Variants in COL6A3 observed in about 807,000 individuals in gnomAD.
The protein encoded by COL6A3 is collagen type VI alpha 3 chain.
In COL6A3, 137 loss-of-function variants were observed where a neutral mutation model predicts 274.1. That is an observed-to-expected ratio of 0.50 (90% confidence interval 0.44 to 0.58). The LOEUF is 0.58. Among genes scored for constraint, COL6A3 ranks in the 20% least tolerant of loss-of-function variants. The pLI is 0.00. For synonymous variants in COL6A3, 1,650 were observed against 1,650.6 expected, an observed-to-expected ratio of 1.00 and a Z score of 0.01; for missense variants, 3,950 against 4,124.9, an observed-to-expected ratio of 0.96 and a Z score of 1.16.
At chr2:237,352,885 C>T (rs1248056603) in intron 25 of COL6A3, among the ~76,000 whole-genome samples, 1 of 152,236 alleles carries the variant, frequency 6.6e-6, no homozygotes, top group Non-Finnish European at 1.5e-5. Context: ...AAATCTCCAT[C>T]AACCAATGAG....
At chr2:237,390,430 T>A (rs2106382004) in intron 3 of COL6A3, among the ~76,000 whole-genome samples, 1 of 152,338 alleles carries the variant, frequency 6.6e-6, no homozygotes, top group East Asian at 1.9e-4. Context: ...TCAAGAGAGC[T>A]GAAGCCTCAA....
intron 4 of COL6A3, among the ~76,000 whole-genome samples, chr2:237,381,826 C>T (rs534129217): frequency 6.6e-6 from 1 of 152,322 alleles, no homozygotes; most frequent in South Asian, 2.1e-4. Flanking sequence ...GCCGTAAATA[C>T]ACAACTTGGC....
chr2:237,367,656 C>T (rs865912456), intron 10 of COL6A3, among the ~76,000 whole-genome samples: 1 of 152,204 alleles, frequency 6.6e-6, no homozygotes, highest in African/African-American at 2.4e-5. Flanking sequence ...TAGGAAATGC[C>T]ACTAGAAGTT....
chr2:237,348,808 C>CT (rs1349616750), intron 28 of COL6A3, 145 bp from the exon 29 acceptor site: 2 of 737,652 alleles, frequency 2.7e-6, no homozygotes, highest in East Asian at 2.7e-5. Flanking sequence ...GGCACACTTC[C>CT]TGCTCCTGTC....
In COL6A3 at chr2:237,354,809, G is replaced by A; in HGVS notation, c.6627+90C>T. 3 of 1,124,968 alleles carry A rather than the reference G, an allele frequency of 2.7e-6. No homozygotes were observed. The South Asian group carries it at 4.8e-5, about 18-fold the overall frequency. 69.7% of individuals were successfully genotyped at this position (1,124,968 alleles called of 1,614,324 possible). ...TTGGTATCTGTCTCCGAAGCTTTGG[G>A]TTCACAGGAGAGAGTGTTTTTCACT... On this transcript the variant is annotated intron_variant, in intron 24 of 43. Transcript: ENST00000295550.
At chr2:237,410,154 C>G (rs1483929765) in intron 1 of COL6A3, among the ~76,000 whole-genome samples, 5 of 152,136 alleles carry the variant, frequency 3.3e-5, no homozygotes, top group Non-Finnish European at 7.4e-5. Flanking sequence ...ACTACAAACC[C>G]TGAAACTCCA....
intron 42 of COL6A3, among the ~76,000 whole-genome samples, chr2:237,332,462 A>C (rs1329795431): frequency 6.6e-6 from 1 of 152,092 alleles, no homozygotes; most frequent in Non-Finnish European, 1.5e-5. Flanking sequence ...GGGAAAATCT[A>C]CTGTGTTCTT....
chr2:237,388,276 A>G (rs2078204894), intron 3 of COL6A3, 92 bp from the exon 4 acceptor site: 2 of 1,513,212 alleles, frequency 1.3e-6, no homozygotes. Context: ...TTTGGAAACC[A>G]ATAAGAAACA....
At chr2:237,337,761 G>GCC (rs1700623975) in intron 39 of COL6A3, among the ~76,000 whole-genome samples, 1 of 152,110 alleles carries the variant, frequency 6.6e-6, no homozygotes. Context: ...TCTGTTACAT[G>GCC]CCCCCACTGC....
intron 23 of COL6A3, chr2:237,356,910 GTTTT>G (rs1273423388): frequency 4.3e-6 from 1 of 233,040 alleles, no homozygotes; most frequent in Non-Finnish European, 8.4e-6. Flanking sequence ...AAGAAATCTA[GTTTT>G]TTTATTTCAC....
rs562842553 is a variant in COL6A3, at chr2:237,359,001, T to C, written c.6408+34A>G. 48 of 1,601,586 alleles carry C rather than the reference T, an allele frequency of 3.0e-5. No individual in the cohort carries two copies. In the East Asian group the frequency reaches 1.0e-3, roughly 33 times the overall value. The stretch of plus-strand genomic sequence containing the variant: ...TCCCTAAATGAAATGTTGATATTCT[T>C]TCCATAATAGCACCACCGTGGAAAT... On this transcript the variant is annotated intron_variant, in intron 20 of 43. Transcript: ENST00000295550.
In COL6A3 at chr2:237,407,830, G is replaced by A. The variant is rs1483900396; in HGVS notation, c.-31+6123C>T. On this transcript the variant is annotated intron_variant, in intron 1 of 43. Coordinates refer to ENST00000295550, the MANE Select transcript of COL6A3 (RefSeq NM_004369.4). This position sits in a 1 kb window ranked among gnomAD's most constrained non-coding sequence, Gnocchi z 4.3. ...CTTATACTGCTAATTATAAACATCA[G>A]GCAGAGACTAGTTCCATTTCAACAT... Among the ~76,000 whole-genome samples the A allele has an allele frequency of 6.6e-6, 1 of 152,114 alleles. No homozygotes were observed. The highest frequency in any genetic ancestry group is 6.5e-5 in the Admixed American group (1 of 15,270).
Position 237,394,951 on chromosome 2 carries a change from G to C in COL6A3, c.345C>G (p.Thr115=), listed in dbSNP as rs371958092. The change falls in exon 3 of 44, where the codon ACC becomes ACG. Residue 115 remains threonine, a synonymous_variant. Coordinates refer to ENST00000295550, the MANE Select transcript of COL6A3 (RefSeq NM_004369.4). ...ATTCTAATCCTTTTCCAGTCTGATT[G>C]GTTCCCCCAATATAAGACATGTTGG... ...HISNMSYIGG[T]NQTGKGLEYI... is the part of the protein sequence containing the mutation. 1 of 1,614,016 alleles carries C rather than the reference G, an allele frequency of 6.2e-7. No individual in the cohort carries two copies. Among genetic ancestry groups the C allele is most frequent in the South Asian group, 1.1e-5 (1 of 91,056 alleles).
At chr2:237,333,911 T>C (rs1700394282) in intron 41 of COL6A3, among the ~76,000 whole-genome samples, 1 of 152,194 alleles carries the variant, frequency 6.6e-6, no homozygotes, top group Admixed American at 6.5e-5. Context: ...TTCCTCAAGC[T>C]GGTTCCTTGA....
chr2:237,403,238 A>G (rs183302824), intron 1 of COL6A3, among the ~76,000 whole-genome samples: 2 of 152,276 alleles, frequency 1.3e-5, no homozygotes, highest in East Asian at 3.9e-4. Context: ...CGGCCCAGCT[A>G]TGAGGAAGAC....
At chr2:237,383,283 C>T (rs750984788) in intron 4 of COL6A3, among the ~76,000 whole-genome samples, 19 of 152,218 alleles carry the variant, frequency 1.2e-4, no homozygotes, top group Non-Finnish European at 1.5e-4. Context: ...TATGCACCAA[C>T]GTCCTTAATA....
chr2:237,328,947 T>C (rs1023635980), intron 42 of COL6A3: 1 of 152,254 alleles, frequency 6.6e-6, no homozygotes, highest in Non-Finnish European at 1.5e-5. Context: ...TTCCATACCT[T>C]GGATGCAGGT....
intron 28 of COL6A3, 129 bp from the exon 29 acceptor site, chr2:237,348,792 G>C: frequency 1.3e-6 from 1 of 786,682 alleles, no homozygotes; most frequent in Non-Finnish European, 2.2e-6. Flanking sequence ...CTAAGGTACA[G>C]GAGTAGGCAC....
chr2:237,354,532 G>T (rs952611751), intron 24 of COL6A3, among the ~76,000 whole-genome samples: 6 of 152,100 alleles, frequency 3.9e-5, no homozygotes, highest in Non-Finnish European at 8.8e-5. Flanking sequence ...GCTAATCAGA[G>T]ACTCAAAAGA....
Sources: gnomAD v4.1 joint callset for allele counts (sites outside exome capture counted in the v4.1 genomes callset) on GRCh38, gnomAD v4.1.1 for gene constraint, Gnocchi (gnomAD v3.1) non-coding constraint, MANE v1.5 for transcripts, NCBI Gene and HGNC (gene_info 2026-07-23, HGNC 2026-07-21) for gene names.